Variants in CHST9 observed in about 807,000 individuals in gnomAD.
CHST9 encodes the protein GalNAc-4-sulfotransferase 2.
In CHST9, 41 loss-of-function variants were observed where a neutral mutation model predicts 44.4. That is an observed-to-expected ratio of 0.92 (90% confidence interval 0.72 to 1.20). CHST9 has a LOEUF of 1.20. CHST9 is among the 50% of genes most tolerant of loss of function. The probability of loss-of-function intolerance (pLI) is 0.00; values close to 1 mark genes in which losing one functional copy is unlikely to be tolerated. For synonymous variants in CHST9, 171 were observed against 178.4 expected, an observed-to-expected ratio of 0.96 and a Z score of 0.33; for missense variants, 504 against 516.5, an observed-to-expected ratio of 0.98 and a Z score of 0.23.
chr18:27,046,928 G>A (rs1184451849), intron 3 of CHST9, among the ~76,000 whole-genome samples: 1 of 152,072 alleles, frequency 6.6e-6, no homozygotes, highest in African/African-American at 2.4e-5. Flanking sequence ...TAGCCCTGGT[G>A]ACCTGTGTTC....
intron 2 of CHST9, among the ~76,000 whole-genome samples, chr18:27,067,184 T>C (rs2057790630): frequency 6.6e-6 from 1 of 152,092 alleles, no homozygotes; most frequent in Non-Finnish European, 1.5e-5. Flanking sequence ...ATGTCACTAG[T>C]GGATAACTTG....
Position 26,917,348 on chromosome 18 carries a change from G to A in CHST9, c.243C>T (p.Asn81=), listed in dbSNP as rs2055554947. The A allele has an allele frequency of 6.2e-7, 1 of 1,607,784 alleles. No individual in the cohort carries two copies. Among genetic ancestry groups the A allele is most frequent in the African/African-American group, 1.3e-5 (1 of 74,616 alleles). Residue 81 remains asparagine (N), a splice_region_variant and synonymous_variant, in exon 6 of 6, where the codon AAC becomes AAT. Transcript: ENST00000618847. ...CATCCTCAGGCATGTGAAACTTGGG[G>A]TTCTGTTAAAATAAAGAAGGAGAAA... The part of the protein sequence containing the change: ...EKIQEHITNQ[N]PKFHMPEDVR...
chr18:26,929,699 C>T (rs232344), intron 5 of CHST9, among the ~76,000 whole-genome samples: 65,553 of 151,830 alleles, frequency 0.43, 14,549 homozygotes, highest in East Asian at 0.7. Flanking sequence ...TGTCCATCTC[C>T]CTTTTGGGCT....
intron 2 of CHST9, among the ~76,000 whole-genome samples, chr18:27,106,060 A>G (rs1306538190): frequency 6.6e-6 from 1 of 152,226 alleles, no homozygotes; most frequent in Non-Finnish European, 1.5e-5. Flanking sequence ...TAGAGGAAGA[A>G]TGTAACTTAT....
At chr18:27,075,336 A>G (rs1390448875) in intron 2 of CHST9, among the ~76,000 whole-genome samples, 3 of 152,086 alleles carry the variant, frequency 2.0e-5, no homozygotes, top group Non-Finnish European at 4.4e-5. Context: ...ACACAAACAC[A>G]CACACACAAA....
chr18:27,067,797 G>A (rs569605126), intron 2 of CHST9, among the ~76,000 whole-genome samples: 102 of 152,272 alleles, frequency 6.7e-4, no homozygotes, highest in African/African-American at 2.3e-3. Flanking sequence ...TTAAGCCCCT[G>A]TGTCCCTCTA....
intron 1 of CHST9, among the ~76,000 whole-genome samples, chr18:27,146,053 A>G (rs2058609770): frequency 6.6e-6 from 1 of 152,336 alleles, no homozygotes; most frequent in East Asian, 1.9e-4. Context: ...CTCAGAAGAG[A>G]AAAGGCTAGA....
At chr18:27,122,637 C>T (rs1394071749) in intron 2 of CHST9, among the ~76,000 whole-genome samples, 2 of 152,092 alleles carry the variant, frequency 1.3e-5, no homozygotes, top group African/African-American at 4.8e-5. Context: ...ACAGAACTAG[C>T]AAGAACTCCA....
chr18:26,936,182 T>A (rs899768698), intron 5 of CHST9: 1 of 152,234 alleles, frequency 6.6e-6, no homozygotes, highest in Non-Finnish European at 1.5e-5. Context: ...TAGCCTGGTA[T>A]TCACGATCAC....
intron 1 of CHST9, among the ~76,000 whole-genome samples, chr18:27,162,180 G>A (rs2058752880): frequency 6.6e-6 from 1 of 152,178 alleles, no homozygotes; most frequent in African/African-American, 2.4e-5. Flanking sequence ...TTGCTCATTA[G>A]TTGATGCAGT....
At chr18:26,949,000 G>C (rs1220784912) in intron 4 of CHST9, among the ~76,000 whole-genome samples, 4 of 152,136 alleles carry the variant, frequency 2.6e-5, no homozygotes. Context: ...GACTTGGGGT[G>C]ATATTGGAGG....
At chr18:27,142,944 C>T in intron 1 of CHST9, 39 bp from the exon 2 acceptor site, 2 of 744,304 alleles carry the variant, frequency 2.7e-6, no homozygotes, top group South Asian at 2.5e-5. Flanking sequence ...TACATTTCTG[C>T]TAATATTAAT....
intron 2 of CHST9, among the ~76,000 whole-genome samples, chr18:27,083,132 T>G (rs193086661): frequency 5.0e-4 from 76 of 152,254 alleles, no homozygotes; most frequent in Non-Finnish European, 9.3e-4. Flanking sequence ...AGTAGATAGA[T>G]GGATATAGAT....
At chr18:26,981,354 C>G (rs756451020) in intron 4 of CHST9, among the ~76,000 whole-genome samples, 4 of 152,192 alleles carry the variant, frequency 2.6e-5, no homozygotes, top group Non-Finnish European at 5.9e-5. Context: ...GGTGAGGTAT[C>G]CACCTTCATT....
chr18:27,084,838 TAG>T (rs1283276742), intron 2 of CHST9, among the ~76,000 whole-genome samples: 1 of 152,086 alleles, frequency 6.6e-6, no homozygotes, highest in Admixed American at 6.6e-5. Context: ...CCAGAGATAC[TAG>T]TATGCTGTAT....
chr18:26,992,172 T>C lies in CHST9; in HGVS notation c.202+31944A>G, dbSNP rs2056823918. On this transcript the variant is annotated intron_variant, in intron 4 of 5. Coordinates refer to ENST00000618847, the MANE Select transcript of CHST9 (RefSeq NM_031422.6). ...CTCACTTTCCCAGAATCCACAAAGA[T>C]GGGGCACAGGAACAAGAAGCTCTAC... Among the ~76,000 whole-genome samples the C allele has an allele frequency of 2.4e-5, 3 of 127,202 alleles. 1 individual carries two copies. The highest frequency in any genetic ancestry group is 1.8e-5 in the Non-Finnish European group (1 of 55,770). The allele number at this position is 127,202 out of a possible 152,430, so 83.4% of individuals were successfully genotyped here.
intron 4 of CHST9, among the ~76,000 whole-genome samples, chr18:26,949,198 A>G (rs1237083144): frequency 6.6e-6 from 1 of 152,168 alleles, no homozygotes; most frequent in Non-Finnish European, 1.5e-5. Flanking sequence ...GAGCCCAGGC[A>G]GTGAGAATGG....
chr18:27,150,229 G>T (rs1366406842), intron 1 of CHST9, among the ~76,000 whole-genome samples: 1 of 151,838 alleles, frequency 6.6e-6, no homozygotes, highest in African/African-American at 2.4e-5. Context: ...CCCATCATTG[G>T]CTTGGTGTCC....
intron 4 of CHST9, among the ~76,000 whole-genome samples, chr18:26,954,843 G>C (rs995669437): frequency 1.3e-5 from 2 of 151,938 alleles, no homozygotes; most frequent in South Asian, 4.2e-4. Context: ...AGCTCCTTGA[G>C]GCCAGGGACT....
Sources: gnomAD v4.1 joint callset for allele counts (sites outside exome capture counted in the v4.1 genomes callset) on GRCh38, gnomAD v4.1.1 for gene constraint, MANE v1.5 for transcripts, NCBI Gene and HGNC (gene_info 2026-07-23, HGNC 2026-07-21) for gene names.